The following RSRC1 variants were observed in gnomAD, a reference collection of about 807,000 sequenced individuals.
RSRC1 encodes arginine and serine rich coiled-coil 1.
Under a neutral mutation model 49.1 loss-of-function variants are expected in RSRC1, and 39 were observed. The observed-to-expected ratio is 0.79, with a 90% CI of 0.61 to 1.04. The LOEUF (loss-of-function observed/expected upper bound fraction) is 1.04. Ranked by LOEUF, RSRC1 falls within the 50% of genes least tolerant of loss-of-function variation. The probability of loss-of-function intolerance (pLI) is 0.00; values close to 1 mark genes in which losing one functional copy is unlikely to be tolerated. For missense variants in RSRC1, 388 were observed against 402.4 expected, an observed-to-expected ratio of 0.96 and a Z score of 0.31; for synonymous variants, 143 against 130.8, an observed-to-expected ratio of 1.09 and a Z score of -0.63.
intron 6 of RSRC1, among the ~76,000 whole-genome samples, chr3:158,427,127 A>G (rs996452100): frequency 4.0e-5 from 6 of 151,684 alleles, no homozygotes; most frequent in South Asian, 2.1e-4. Context: ...AGAACAGGCT[A>G]TTCCTACACA....
At chr3:158,457,693 T>C (rs951831712) in intron 6 of RSRC1, among the ~76,000 whole-genome samples, 5 of 151,868 alleles carry the variant, frequency 3.3e-5, no homozygotes, top group Non-Finnish European at 7.4e-5. Context: ...ATGTGGTTGG[T>C]TCACTGTTTT....
intron 3 of RSRC1, among the ~76,000 whole-genome samples, chr3:158,129,288 C>CTTTTTTTTTTTTT (rs71144439): frequency 7.2e-4 from 51 of 71,074 alleles, no homozygotes; most frequent in Non-Finnish European, 9.8e-4. Context: ...TTCTTTCTTT[C>CTTTTTTTTTTTTT]TTTTTTTTTT....
intron 6 of RSRC1, among the ~76,000 whole-genome samples, chr3:158,401,413 G>GTTTA (rs1264309650): frequency 6.6e-6 from 1 of 151,904 alleles, no homozygotes; most frequent in East Asian, 1.9e-4. Flanking sequence ...TTATTTCTTT[G>GTTTA]TTTATTTATT....
intron 7 of RSRC1, among the ~76,000 whole-genome samples, chr3:158,462,780 T>A (rs1208524328): frequency 6.6e-6 from 1 of 152,008 alleles, no homozygotes; most frequent in Admixed American, 6.6e-5. Flanking sequence ...ATTATAATTC[T>A]TTGTAATTTT....
At chr3:158,112,218 A>G (rs532437376) in intron 1 of RSRC1, among the ~76,000 whole-genome samples, 1 of 152,370 alleles carries the variant, frequency 6.6e-6, no homozygotes, top group South Asian at 2.1e-4. Context: ...TGCCCTTATC[A>G]GAAAGAACTA....
At chr3:158,530,051 C>T (rs986481797) in intron 7 of RSRC1, among the ~76,000 whole-genome samples, 3 of 151,894 alleles carry the variant, frequency 2.0e-5, no homozygotes, top group Non-Finnish European at 4.4e-5. Flanking sequence ...CTATCATTTC[C>T]ACATCCTGGC....
chr3:158,325,675 T>G (rs537153367), intron 5 of RSRC1, among the ~76,000 whole-genome samples: 1 of 152,350 alleles, frequency 6.6e-6, no homozygotes, highest in South Asian at 2.1e-4. Context: ...TGCCTCCAGC[T>G]TTATTCTTTT....
At chr3:158,207,536 C>A (rs1721410196) in intron 4 of RSRC1, among the ~76,000 whole-genome samples, 1 of 152,040 alleles carries the variant, frequency 6.6e-6, no homozygotes, top group East Asian at 1.9e-4. Context: ...TGTATTAGTT[C>A]ATTGTGATTG....
At chr3:158,435,393 A>G (rs1176700731) in intron 6 of RSRC1, among the ~76,000 whole-genome samples, 1 of 151,816 alleles carries the variant, frequency 6.6e-6, no homozygotes, top group Non-Finnish European at 1.5e-5. Flanking sequence ...ATGTAAAAAA[A>G]TAGAAAAAAT....
chr3:158,474,296 T>C (rs2108426502), intron 7 of RSRC1, among the ~76,000 whole-genome samples: 1 of 152,306 alleles, frequency 6.6e-6, no homozygotes. Context: ...CACTATACCA[T>C]AATCTATTAA....
chr3:158,236,331 T>C (rs1723248875), intron 4 of RSRC1, among the ~76,000 whole-genome samples: 1 of 152,308 alleles, frequency 6.6e-6, no homozygotes, highest in African/African-American at 2.4e-5. Context: ...AAAATAAAGG[T>C]ACGTCTTTAT....
intron 4 of RSRC1, among the ~76,000 whole-genome samples, chr3:158,219,353 A>G (rs1722114163): frequency 6.6e-6 from 1 of 151,072 alleles, no homozygotes; most frequent in African/African-American, 2.4e-5. Flanking sequence ...TAGATGATAT[A>G]TTTCAGAATG....
intron 4 of RSRC1, among the ~76,000 whole-genome samples, chr3:158,295,364 G>A (rs1176379633): frequency 6.6e-6 from 1 of 152,122 alleles, no homozygotes; most frequent in Non-Finnish European, 1.5e-5. Context: ...AGATAACAGA[G>A]GGAATAGGTA....
intron 6 of RSRC1, among the ~76,000 whole-genome samples, chr3:158,382,803 T>G (rs1732770212): frequency 6.6e-6 from 1 of 152,188 alleles, no homozygotes; most frequent in African/African-American, 2.4e-5. Flanking sequence ...GTATTTTCAT[T>G]TGGTCATTGT....
At position 158,294,641 on chromosome 3, in the gene RSRC1, G is replaced by A. The variant is rs1035875470; in HGVS notation, c.495-3398G>A. Reference sequence around the variant, plus strand: ...TCCAGGCTAATTTAAAAACTAGAGTGGACAATCTCTAGTGTTCTAGTTTAG... The same window carrying A: ...TCCAGGCTAATTTAAAAACTAGAGTAGACAATCTCTAGTGTTCTAGTTTAG... On this transcript the variant is annotated intron_variant, in intron 4 of 9. Transcript: ENST00000611884. 2.0e-5 allele frequency among the ~76,000 whole-genome samples: 3 copies of A among 151,918 alleles called. No individual in the cohort carries two copies. The East Asian group carries it at 5.8e-4, about 29-fold the overall frequency.
At chr3:158,425,206 T>G (rs1329289375) in intron 6 of RSRC1, among the ~76,000 whole-genome samples, 7 of 152,130 alleles carry the variant, frequency 4.6e-5, no homozygotes, top group Admixed American at 4.6e-4. Context: ...TGCTTTGTCT[T>G]GTGGGCATTT....
At chr3:158,344,502 A>G (rs73013336) in intron 5 of RSRC1, among the ~76,000 whole-genome samples, 14,127 of 152,234 alleles carry the variant, frequency 0.093, 2,230 homozygotes, top group African/African-American at 0.33. Context: ...TTTGAATTCT[A>G]TACCTTGAGA....
rs1389249607 is a variant in RSRC1 at position 158,265,186 on chromosome 3, A to AT, written c.495-32847dup. On this transcript the variant is annotated intron_variant, in intron 4 of 9. Coordinates refer to ENST00000611884, the MANE Select transcript of RSRC1 (RefSeq NM_001271838.2). ...TGTTTCTTAACTCTCAGTAGTTACT[A>AT]TTTTTTGTTGCCTAATTTCCAGGGT... Among the ~76,000 whole-genome samples the AT allele has an allele frequency of 2.0e-5, 3 of 152,172 alleles. No homozygotes were observed. In the East Asian group the frequency reaches 5.8e-4, roughly 29 times the overall value.
At chr3:158,325,710 G>A (rs1308686372) in intron 5 of RSRC1, among the ~76,000 whole-genome samples, 16 of 152,112 alleles carry the variant, frequency 1.1e-4, no homozygotes, top group Non-Finnish European at 7.3e-5. Context: ...TTGGCAATGC[G>A]GGCTCTTTTT....
Sources: allele counts gnomAD v4.1 joint callset (sites outside exome capture counted in the v4.1 genomes callset), GRCh38; gene constraint gnomAD v4.1.1; transcripts MANE v1.5; gene names NCBI Gene and HGNC (gene_info 2026-07-23, HGNC 2026-07-21).